GRB10: variants seen among roughly 807,000 people sequenced by gnomAD.
The protein encoded by GRB10 is growth factor receptor bound protein 10.
In GRB10, 20 loss-of-function variants were observed where a neutral mutation model predicts 80.9. The observed-to-expected ratio is 0.25, with a 90% CI of 0.17 to 0.36. The LOEUF is 0.36. GRB10 is among the 10% of genes least tolerant of loss of function. The pLI, the probability that GRB10 is intolerant of heterozygous loss-of-function variation, is 1.00. For missense variants in GRB10, 548 were observed against 747.7 expected, an observed-to-expected ratio of 0.73 and a Z score of 3.12; for synonymous variants, 291 against 291.5, an observed-to-expected ratio of 1.00 and a Z score of 0.02.
chr7:50,674,592 G>T lies in GRB10; in HGVS notation c.206C>A (p.Ala69Asp). 1 of 1,613,510 alleles carries T rather than the reference G, an allele frequency of 6.2e-7. No individual in the cohort carries two copies. Among genetic ancestry groups the T allele is most frequent in the East Asian group, 2.2e-5 (1 of 44,884 alleles). Residue 69 changes from alanine (A) to aspartate (D), a missense_variant, in exon 6 of 19, where the codon GCC (alanine) becomes GAC (aspartate). Physicochemically the swap from Ala to Asp is moderately radical, Grantham distance 126 (BLOSUM62 -2). Coordinates refer to ENST00000401949, the MANE Select transcript of GRB10 (RefSeq NM_001350814.2). ...MNASLESLYS[A>D]CSMQSDTVPL... ...CACCGTGTCTGACTGCATGCTGCAG[G>T]CCGAGTACAGGCTCTCCAGGGATGC... is the stretch of plus-strand genomic sequence containing the variant.
chr7:50,614,619 T>C (rs2050194225), intron 12 of GRB10, 151 bp downstream of exon 12: 2 of 723,996 alleles, frequency 2.8e-6, no homozygotes, highest in African/African-American at 3.4e-5. Flanking sequence ...AAGTGTACAA[T>C]AAATGTTTTT....
chr7:50,713,710 CTCACCTCCACCTCCTCTACTATCACA>C (rs2066339457), intron 4 of GRB10, among the ~76,000 whole-genome samples: 3 of 110,182 alleles, frequency 2.7e-5, no homozygotes, highest in East Asian at 3.0e-4. Context: ...CTCCTCCATC[CTCACCTCCACCTCCTCTACTATCACA>C]TCACCTCCAC....
intron 7 of GRB10, among the ~76,000 whole-genome samples, chr7:50,638,395 G>GA (rs1297974633): frequency 5.9e-5 from 9 of 151,940 alleles, no homozygotes; most frequent in Non-Finnish European, 1.3e-4. Flanking sequence ...AACTCAGCCA[G>GA]AAAAAACAAA....
chr7:50,701,802 C>T (rs1448016750), intron 5 of GRB10, among the ~76,000 whole-genome samples: 1 of 152,200 alleles, frequency 6.6e-6, no homozygotes, highest in Non-Finnish European at 1.5e-5. Flanking sequence ...CCAAGTCTTG[C>T]CTCATTTTGT....
intron 3 of GRB10, among the ~76,000 whole-genome samples, chr7:50,742,314 C>CAT (rs1334272348): frequency 2.4e-4 from 36 of 148,026 alleles, no homozygotes; most frequent in Admixed American, 8.0e-4. Flanking sequence ...CACACACACA[C>CAT]ATACACGGCA....
At chr7:50,650,325 G>A (rs886822) in intron 7 of GRB10, among the ~76,000 whole-genome samples, 57,496 of 152,038 alleles carry the variant, frequency 0.38, 11,302 homozygotes, top group Middle Eastern at 0.52. Context: ...CAACCAAGGT[G>A]GGTGGGGGAG....
In GRB10 at chr7:50,674,509, G is replaced by A. The variant is rs538386189; in HGVS notation, c.289C>T (p.Arg97Trp). The change falls in exon 6 of 19, where the codon CGG (arginine) becomes TGG (tryptophan). Residue 97 changes from arginine to tryptophan, a missense_variant. Arg to Trp is a moderately radical substitution (Grantham distance 101, BLOSUM62 -3). This residue lies in a region of GRB10 where 245 missense variants were observed against 229.3 expected (regional missense o/e 1.07). Coordinates refer to ENST00000401949, the MANE Select transcript of GRB10 (RefSeq NM_001350814.2). ...GGGGACACCTGTGGCTGGATGGACC[G>A]AGGAGGGCCTGAAGCCCGAGGCTGG... ...RSQPRASGPPRSIQPQVSPRQ... is the reference protein window; with the variant it reads ...RSQPRASGPPWSIQPQVSPRQ... The A allele has an allele frequency of 1.2e-5, 20 of 1,609,962 alleles. No individual in the cohort carries two copies. In the Admixed American group the frequency reaches 1.5e-4, roughly 12 times the overall value.
At chr7:50,673,080 G>A (rs533119581) in intron 6 of GRB10, among the ~76,000 whole-genome samples, 2 of 152,308 alleles carry the variant, frequency 1.3e-5, no homozygotes, top group East Asian at 1.9e-4. Flanking sequence ...TCTGGGCTGC[G>A]GAAGACCCAA....
intron 17 of GRB10, among the ~76,000 whole-genome samples, chr7:50,596,172 A>G (rs1196427595): frequency 2.0e-5 from 3 of 152,228 alleles, no homozygotes; most frequent in South Asian, 4.1e-4. Context: ...TGGATGAGAA[A>G]AAAGAGTATT....
At position 50,616,290 on chromosome 7, in the gene GRB10, G is replaced by A; in HGVS notation, c.904C>T (p.Leu302=). 1 of 1,614,090 alleles carries A rather than the reference G, an allele frequency of 6.2e-7. No individual in the cohort carries two copies. Among genetic ancestry groups the A allele is most frequent in the Middle Eastern group, 1.6e-4 (1 of 6,062 alleles). The change falls in exon 11 of 19, where the codon CTG becomes TTG. Residue 302 remains leucine (L), a synonymous_variant. Coordinates refer to ENST00000401949, the MANE Select transcript of GRB10 (RefSeq NM_001350814.2). ...AGCTTTTTCCATGATTTCTTTCCCA[G>A]CTCTTTCACATGCAAAAACCCTTGA... ...EIQGFLHVKE[L]GKKSWKKLYV... is the part of the protein sequence containing the mutation.
chr7:50,653,443 C>T lies in GRB10; in HGVS notation c.504+16279G>A, dbSNP rs537370831. ...CCAGCCCCACCCGCTGCAACTGGGA[C>T]AGCCAAGAGAGTGGGGGACTCAGGA... On this transcript the variant is annotated intron_variant, in intron 7 of 18. Transcript: ENST00000401949. Among the ~76,000 whole-genome samples, 236 of 152,350 alleles carry T rather than the reference C, an allele frequency of 1.5e-3. 2 individuals are homozygous for T. Among genetic ancestry groups the T allele is most frequent in the African/African-American group, 5.5e-3 (230 of 41,576 alleles).
chr7:50,614,340 T>C (rs942717735), intron 12 of GRB10, among the ~76,000 whole-genome samples: 2 of 152,172 alleles, frequency 1.3e-5, no homozygotes, highest in African/African-American at 2.4e-5. Flanking sequence ...GGCAGCATTG[T>C]GTCTATTCCT....
chr7:50,699,751 C>T (rs1471011169), intron 5 of GRB10, among the ~76,000 whole-genome samples: 2 of 152,164 alleles, frequency 1.3e-5, no homozygotes, highest in East Asian at 3.8e-4. Flanking sequence ...CAAAGATACA[C>T]AAACATGGTA....
chr7:50,627,819 C>T (rs2053224422), intron 7 of GRB10, among the ~76,000 whole-genome samples: 1 of 152,228 alleles, frequency 6.6e-6, no homozygotes, highest in Admixed American at 6.5e-5. Flanking sequence ...ATTGCGACTG[C>T]CTCTTGCAAG....
At chr7:50,775,908 G>A (rs1588078102) in intron 2 of GRB10, among the ~76,000 whole-genome samples, 1 of 152,200 alleles carries the variant, frequency 6.6e-6, no homozygotes, top group East Asian at 1.9e-4. Flanking sequence ...CTGTAATGCA[G>A]AGAGCAGAGA....
intron 18 of GRB10, among the ~76,000 whole-genome samples, chr7:50,594,782 T>TA (rs1044950101): frequency 4.6e-5 from 7 of 152,126 alleles, no homozygotes; most frequent in African/African-American, 1.7e-4. Context: ...GAATCAAACA[T>TA]AAAGTGCTTT....
chr7:50,776,214 G>A (rs536055030), intron 2 of GRB10, among the ~76,000 whole-genome samples: 1 of 152,136 alleles, frequency 6.6e-6, no homozygotes, highest in South Asian at 2.1e-4. Flanking sequence ...CTTAAATTCT[G>A]CTTCCTTTTC....
chr7:50,626,843 G>T lies in GRB10; in HGVS notation c.640C>A (p.His214Asn). 1.2e-6 allele frequency: 2 copies of T among 1,614,144 alleles called. No homozygotes were observed. Among genetic ancestry groups the T allele is most frequent in the Middle Eastern group, 1.6e-4 (1 of 6,062 alleles). ...VDDNSWTLVE[H>N]HPHLGLERCL... ...CTACCTAATCCTAGGTGCGGGTGGTGCTCCACTAGTGTCCAGCTGTTGTCA... is the reference window on the plus strand; with the variant it reads ...CTACCTAATCCTAGGTGCGGGTGGTTCTCCACTAGTGTCCAGCTGTTGTCA... Residue 214 changes from histidine to asparagine, a missense_variant, in exon 8 of 19, where the codon CAC becomes AAC. By Grantham distance (68) the His-to-Asn change is moderately conservative. Around this residue, in one of 4 missense-constraint regions of GRB10, gnomAD observed 270 missense variants for 433.6 expected, o/e 0.62. Transcript: ENST00000401949.
chr7:50,674,054 G>A (rs916542043), intron 6 of GRB10, among the ~76,000 whole-genome samples: 1 of 152,206 alleles, frequency 6.6e-6, no homozygotes, highest in African/African-American at 2.4e-5. Flanking sequence ...AGGGGGTGCT[G>A]TAGCTGCTAG....
Sources: allele counts gnomAD v4.1 joint callset (sites outside exome capture counted in the v4.1 genomes callset), GRCh38; gene constraint gnomAD v4.1.1; regional missense constraint gnomAD v4.1.1; transcripts MANE v1.5; gene names NCBI Gene and HGNC (gene_info 2026-07-23, HGNC 2026-07-21).